The following EBF4 variants were observed in gnomAD, a reference collection of about 807,000 sequenced individuals.
The protein encoded by EBF4 is transcription factor COE4.
A neutral mutation model predicts 67.1 loss-of-function variants in EBF4; 34 were observed. That is an observed-to-expected ratio of 0.51 (90% CI 0.39 to 0.67). EBF4 has a LOEUF of 0.67. Among genes scored for constraint, EBF4 ranks in the 30% least tolerant of loss-of-function variants. The probability of loss-of-function intolerance (pLI) is 0.00; values close to 1 mark genes in which losing one functional copy is unlikely to be tolerated. For missense variants in EBF4, 837 were observed against 873.3 expected (o/e 0.96, Z 0.52); for synonymous variants, 387 against 377.7 (o/e 1.02, Z -0.29).
intron 14 of EBF4, among the ~76,000 whole-genome samples, chr20:2,753,507 G>A (rs114077034): frequency 0.01 from 1,580 of 152,346 alleles, 27 homozygotes; most frequent in African/African-American, 0.036. Flanking sequence ...CCCAGGGCTT[G>A]GGGGATCCCC....
chr20:2,707,284 G>A lies in EBF4; in HGVS notation c.415-663G>A, dbSNP rs2087472035. On this transcript the variant is annotated intron_variant, in intron 4 of 16. Coordinates refer to ENST00000609451, the Ensembl canonical transcript of EBF4. The surrounding 1 kb of genome is among the most constrained non-coding windows in gnomAD (Gnocchi z 4.6). ...CCACAGAGAGAGGGATCCCACAAATGGGGGAAGGCACAGAGGGTTATAAAC... is the reference window on the plus strand; with the variant it reads ...CCACAGAGAGAGGGATCCCACAAATAGGGGAAGGCACAGAGGGTTATAAAC... Among the ~76,000 whole-genome samples, 3 of 152,094 alleles carry A rather than the reference G, an allele frequency of 2.0e-5. No homozygotes were observed. The highest frequency in any genetic ancestry group is 4.1e-4 in the South Asian group (2 of 4,822).
chr20:2,749,869 G>A, exon 10 of EBF4: 3 of 1,550,948 alleles, frequency 1.9e-6, no homozygotes, highest in Non-Finnish European at 2.6e-6. Context: ...CACGCCATCC[G>A]GGTGCAGACG....
Position 2,748,647 on chromosome 20 carries a change from G to A in EBF4, c.639+17G>A, listed in dbSNP as rs201173063. On this transcript the variant is annotated intron_variant, in intron 7 of 16. Transcript: ENST00000609451. ...CGCTTCCAGGTGGGTCTGGAGAGAG[G>A]GTTTCCCCTTGCAACCCCACCCTTT... 1.0e-4 allele frequency: 160 copies of A among 1,548,624 alleles called. No individual in the cohort carries two copies. The highest frequency in any genetic ancestry group is 4.9e-5 in the East Asian group (2 of 40,816).
chr20:2,754,979 C>CCA (rs1555789843), intron 14 of EBF4: 2,299 of 123,942 alleles, frequency 0.019, 175 homozygotes, highest in African/African-American at 0.045. Flanking sequence ...CACCCCCCCC[C>CCA]ACAGGGCCCA....
At position 2,749,530 on chromosome 20, in the gene EBF4, C is replaced by T. The variant is rs2088104516; in HGVS notation, c.757+12C>T. On this transcript the variant is annotated intron_variant, in intron 8 of 16. Coordinates refer to ENST00000609451, the Ensembl canonical transcript of EBF4. ...GGACCCCTCCGAAGGTCAGGACCCCCGGCCCAGCCCCGGCCGCCGCGGGCC... is the reference window on the plus strand; with the variant it reads ...GGACCCCTCCGAAGGTCAGGACCCCTGGCCCAGCCCCGGCCGCCGCGGGCC... 2 of 1,541,914 alleles carry T rather than the reference C, an allele frequency of 1.3e-6. No homozygotes were observed. The highest frequency in any genetic ancestry group is 1.4e-5 in the African/African-American group (1 of 72,784).
chr20:2,749,764 C>G lies in EBF4; in HGVS notation c.891+11C>G. On this transcript the variant is annotated intron_variant, in intron 9 of 16. Coordinates refer to ENST00000609451, the Ensembl canonical transcript of EBF4. ...CTCGTGTGGAGCGAGGTGGGCCAACCCCGCCAGTCTCCCTCTGGGCCTAGG... is the reference window on the plus strand; with the variant it reads ...CTCGTGTGGAGCGAGGTGGGCCAACGCCGCCAGTCTCCCTCTGGGCCTAGG... 13 of 1,490,200 alleles carry G rather than the reference C, an allele frequency of 8.7e-6. No homozygotes were observed. Among genetic ancestry groups the G allele is most frequent in the Non-Finnish European group, 1.2e-5 (13 of 1,119,592 alleles). 92.3% of individuals were successfully genotyped at this position (1,490,200 alleles called of 1,614,324 possible). A position where few individuals can be genotyped will look rare whatever the true frequency, so the allele number is the denominator to read the frequency against.
chr20:2,720,992 C>A (rs1313210508), intron 6 of EBF4, among the ~76,000 whole-genome samples: 2 of 152,132 alleles, frequency 1.3e-5, no homozygotes, highest in Non-Finnish European at 2.9e-5. Flanking sequence ...TCATTTCTAG[C>A]TGCTTTTAAG....
chr20:2,693,883 T>C lies in EBF4; in HGVS notation c.137+101T>C. On this transcript the variant is annotated intron_variant, in intron 1 of 16. Coordinates refer to ENST00000609451, the Ensembl canonical transcript of EBF4. This position sits in a 1 kb window ranked among gnomAD's most constrained non-coding sequence, Gnocchi z 4.6. ...CTGGAGCCAGGGGCGGAAGGAGCCCTAACTCTGGACGGTCCCGGCGAGCTC... is the reference window on the plus strand; with the variant it reads ...CTGGAGCCAGGGGCGGAAGGAGCCCCAACTCTGGACGGTCCCGGCGAGCTC... 8.1e-7 allele frequency: 1 copy of C among 1,241,432 alleles called. No homozygotes were observed. Among genetic ancestry groups the C allele is most frequent in the Non-Finnish European group, 1.0e-6 (1 of 989,134 alleles). The allele number at this position is 1,241,432 out of a possible 1,614,324, so 76.9% of individuals were successfully genotyped here. A position where few individuals can be genotyped will look rare whatever the true frequency, so the allele number is the denominator to read the frequency against.
intron 1 of EBF4, among the ~76,000 whole-genome samples, chr20:2,697,988 T>C (rs2087320596): frequency 6.6e-6 from 1 of 152,182 alleles, no homozygotes; most frequent in South Asian, 2.1e-4. Context: ...TGCTAGGAAA[T>C]GCTTTTGTTT....
chr20:2,700,082 T>G (rs1209019872), intron 1 of EBF4, among the ~76,000 whole-genome samples: 2 of 152,166 alleles, frequency 1.3e-5, no homozygotes, highest in Non-Finnish European at 2.9e-5. Context: ...CTGGAGTTGG[T>G]GGATAAATAC....
chr20:2,756,608 G>A lies in EBF4; in HGVS notation c.1738+784G>A, dbSNP rs1003628940. ...AGGGATGCTTCCACGGGATCCCCTA[G>A]GACTCAATCTGGCATGCAGCAGGTG... On this transcript the variant is annotated intron_variant, in intron 15 of 16. Coordinates refer to ENST00000609451, the Ensembl canonical transcript of EBF4. This position sits in a 1 kb window ranked among gnomAD's most constrained non-coding sequence, Gnocchi z 4.5. Among the ~76,000 whole-genome samples, 1 of 152,194 alleles carries A rather than the reference G, an allele frequency of 6.6e-6. No individual in the cohort carries two copies. Among genetic ancestry groups the A allele is most frequent in the Non-Finnish European group, 1.5e-5 (1 of 68,034 alleles).
intron 6 of EBF4, among the ~76,000 whole-genome samples, chr20:2,740,472 GC>G (rs1439247603): frequency 1.3e-5 from 2 of 152,202 alleles, no homozygotes; most frequent in African/African-American, 4.8e-5. Context: ...GTTCTTCCTT[GC>G]CCCTGACAGA....
chr20:2,729,523 T>C (rs969635349), intron 6 of EBF4, among the ~76,000 whole-genome samples: 5 of 152,130 alleles, frequency 3.3e-5, no homozygotes, highest in Non-Finnish European at 7.4e-5. Context: ...GCTCCCCTAC[T>C]AGGCCGAAGT....
intron 6 of EBF4, among the ~76,000 whole-genome samples, chr20:2,742,714 C>T (rs192733718): frequency 1.3e-5 from 2 of 152,132 alleles, no homozygotes; most frequent in Non-Finnish European, 2.9e-5. Flanking sequence ...CTGCCCCCAT[C>T]CTGGTCAGGA....
chr20:2,715,636 ACTT>A, intron 6 of EBF4, among the ~76,000 whole-genome samples: 1 of 152,266 alleles, frequency 6.6e-6, no homozygotes, highest in South Asian at 2.1e-4. Flanking sequence ...ATAATGTCAC[ACTT>A]CTTATCGTTT....
intron 3 of EBF4, 64 bp from the exon 4 acceptor site, chr20:2,706,145 G>A (rs2146385589): frequency 1.3e-6 from 2 of 1,550,074 alleles, no homozygotes; most frequent in Middle Eastern, 1.7e-4. Context: ...GGTGTGATGT[G>A]GTCTGGTCAT....
At chr20:2,719,049 A>G (rs1214023329) in intron 6 of EBF4, among the ~76,000 whole-genome samples, 1 of 152,084 alleles carries the variant, frequency 6.6e-6, no homozygotes, top group Non-Finnish European at 1.5e-5. Flanking sequence ...ATTTCCAAAA[A>G]CTTGGGGGGA....
intron 6 of EBF4, among the ~76,000 whole-genome samples, chr20:2,742,280 C>T (rs73074931): frequency 6.6e-6 from 1 of 152,038 alleles, no homozygotes; most frequent in Non-Finnish European, 1.5e-5. Flanking sequence ...GGTTGCAGAC[C>T]GACACGACCT....
At position 2,707,976 on chromosome 20, in the gene EBF4, C is replaced by T. The variant is rs1485917673; in HGVS notation, c.444C>T (p.Asn148=). The T allele has an allele frequency of 6.2e-7, 1 of 1,607,912 alleles. No individual in the cohort carries two copies. The highest frequency in any genetic ancestry group is 1.3e-5 in the African/African-American group (1 of 74,852). ...TCATCTATGAGGGGCAGGACAAGAACCCCGAAATGTGCCGAGTGCTGCTCA... is the reference window on the plus strand; with the variant it reads ...TCATCTATGAGGGGCAGGACAAGAATCCCGAAATGTGCCGAGTGCTGCTCA... The change falls in exon 5 of 17, where the codon AAC becomes AAT. Residue 148 remains asparagine, a synonymous_variant. Transcript: ENST00000609451. This position sits in a 1 kb window ranked among gnomAD's most constrained non-coding sequence, Gnocchi z 4.6.
Sources: allele counts gnomAD v4.1 joint callset (sites outside exome capture counted in the v4.1 genomes callset), GRCh38; gene constraint gnomAD v4.1.1; non-coding constraint Gnocchi (gnomAD v3.1); transcripts MANE v1.5; gene names NCBI Gene and HGNC (gene_info 2026-07-23, HGNC 2026-07-21).